Variants in RPS6KC1 observed in about 807,000 individuals in gnomAD.
RPS6KC1 encodes the protein inactive ribosomal protein S6 kinase delta-1.
In RPS6KC1, 54 loss-of-function variants were observed where a neutral mutation model predicts 103.8. The ratio of observed to expected loss-of-function variants is 0.52; its 90% CI spans 0.42 to 0.65. The LOEUF (loss-of-function observed/expected upper bound fraction) is 0.65. Ranked by LOEUF, RPS6KC1 falls within the 30% of genes least tolerant of loss-of-function variation. RPS6KC1 has a pLI of 0.00. For missense variants in RPS6KC1, 1,151 were observed against 1,253.8 expected (o/e 0.92, Z 1.24); for synonymous variants, 439 against 438.7 (o/e 1.00, Z -0.01).
the RPS6KC1 span, among the ~76,000 whole-genome samples, chr1:213,704,555 G>A: frequency 6.6e-6 from 1 of 152,094 alleles, no homozygotes; most frequent in East Asian, 1.9e-4. Flanking sequence ...ATTTCTTTGA[G>A]TTTCCTCAAA....
At chr1:213,187,497 C>T (rs573196072) in intron 8 of RPS6KC1, among the ~76,000 whole-genome samples, 6 of 152,006 alleles carry the variant, frequency 3.9e-5, no homozygotes, top group Non-Finnish European at 8.8e-5. Context: ...CCACCTGCCT[C>T]GGCCTCCCAC....
the RPS6KC1 span, among the ~76,000 whole-genome samples, chr1:213,772,068 C>T: frequency 5.9e-5 from 9 of 152,154 alleles, no homozygotes; most frequent in Non-Finnish European, 8.8e-5. Flanking sequence ...TAGAGTGACA[C>T]TTCTATTGAA....
At chr1:213,411,947 G>T in the RPS6KC1 span, among the ~76,000 whole-genome samples, 1 of 152,188 alleles carries the variant, frequency 6.6e-6, no homozygotes, top group Non-Finnish European at 1.5e-5. Context: ...TGGTTATGCT[G>T]CAGATTAGCA....
chr1:213,487,029 T>C, the RPS6KC1 span, among the ~76,000 whole-genome samples: 1 of 152,196 alleles, frequency 6.6e-6, no homozygotes, highest in African/African-American at 2.4e-5. Context: ...CTTGAACACC[T>C]GAACATCTTT....
chr1:213,283,367 C>T, the RPS6KC1 span, among the ~76,000 whole-genome samples: 31 of 152,238 alleles, frequency 2.0e-4, no homozygotes, highest in East Asian at 9.6e-4. Context: ...AAAATAAATT[C>T]GTAGACAACA....
At chr1:213,763,834 A>G in the RPS6KC1 span, among the ~76,000 whole-genome samples, 1 of 152,284 alleles carries the variant, frequency 6.6e-6, no homozygotes, top group East Asian at 1.9e-4. Context: ...CAGGCACAGG[A>G]GCCTTCACTC....
chr1:213,611,255 G>T, the RPS6KC1 span, among the ~76,000 whole-genome samples: 9,410 of 152,136 alleles, frequency 0.062, 601 homozygotes, highest in East Asian at 0.28. Flanking sequence ...TTCTAGGAGA[G>T]CAGAAATAAC....
At chr1:213,442,238 A>T in the RPS6KC1 span, among the ~76,000 whole-genome samples, 10 of 152,196 alleles carry the variant, frequency 6.6e-5, no homozygotes, top group African/African-American at 2.4e-4. Flanking sequence ...TCTGCTCATT[A>T]TCTATACCCT....
intron 7 of RPS6KC1, among the ~76,000 whole-genome samples, chr1:213,172,421 G>A (rs2091543265): frequency 6.6e-6 from 1 of 151,948 alleles, no homozygotes; most frequent in South Asian, 2.1e-4. Context: ...TGGTGAAACT[G>A]CATCTCTACT....
chr1:213,184,060 T>C (rs1391595506), intron 8 of RPS6KC1, among the ~76,000 whole-genome samples: 1 of 152,114 alleles, frequency 6.6e-6, no homozygotes, highest in Admixed American at 6.6e-5. Context: ...CCAAAATAAA[T>C]AGATAATTTG....
At chr1:213,623,253 C>A in the RPS6KC1 span, among the ~76,000 whole-genome samples, 4 of 152,168 alleles carry the variant, frequency 2.6e-5, no homozygotes, top group Admixed American at 2.6e-4. Flanking sequence ...ATCAGTCTGT[C>A]AACAGCATTG....
chr1:213,679,977 A>C, the RPS6KC1 span, among the ~76,000 whole-genome samples: 1 of 152,224 alleles, frequency 6.6e-6, no homozygotes, highest in Non-Finnish European at 1.5e-5. Context: ...GAATAATTAC[A>C]CATTATAGAA....
At chr1:213,603,692 G>C in the RPS6KC1 span, among the ~76,000 whole-genome samples, 1 of 151,534 alleles carries the variant, frequency 6.6e-6, no homozygotes, top group Non-Finnish European at 1.5e-5. Context: ...AACCCTGTCT[G>C]TACTAAAAAA....
intron 5 of RPS6KC1, among the ~76,000 whole-genome samples, chr1:213,119,425 CATATATATATAT>C (rs757888943): frequency 2.2e-5 from 2 of 91,006 alleles, no homozygotes; most frequent in African/African-American, 5.5e-5. Flanking sequence ...CCAGCCTGGG[CATATATATATAT>C]ATATATATAT....
At chr1:213,219,542 A>C in intron 8 of RPS6KC1, among the ~76,000 whole-genome samples, 1 of 152,184 alleles carries the variant, frequency 6.6e-6, no homozygotes, top group Non-Finnish European at 1.5e-5. Context: ...ACATGCTGCT[A>C]TAAAGACACA....
At chr1:213,442,479 T>C in the RPS6KC1 span, among the ~76,000 whole-genome samples, 2 of 152,124 alleles carry the variant, frequency 1.3e-5, no homozygotes, top group Admixed American at 6.5e-5. Flanking sequence ...AAAACTTGGG[T>C]TGGGATCCCA....
chr1:213,254,153 T>A (rs933023905), intron 12 of RPS6KC1, among the ~76,000 whole-genome samples: 1 of 138,430 alleles, frequency 7.2e-6, no homozygotes, highest in African/African-American at 2.5e-5. Context: ...TTTATTCACT[T>A]GTGAAATATC....
At chr1:213,151,575 A>T (rs1327153114) in intron 6 of RPS6KC1, among the ~76,000 whole-genome samples, 5 of 82,010 alleles carry the variant, frequency 6.1e-5, no homozygotes, top group Admixed American at 2.9e-4. Context: ...CACCTCCCGG[A>T]TGGGGCGGCT....
At chr1:213,263,274 C>T (rs988885353) in intron 14 of RPS6KC1, among the ~76,000 whole-genome samples, 1 of 152,172 alleles carries the variant, frequency 6.6e-6, no homozygotes, top group Non-Finnish European at 1.5e-5. Flanking sequence ...GATACTTCAT[C>T]ATTGGTGGAA....
Sources: allele counts gnomAD v4.1 joint callset (sites outside exome capture counted in the v4.1 genomes callset), GRCh38; gene constraint gnomAD v4.1.1; transcripts MANE v1.5; gene names NCBI Gene and HGNC (gene_info 2026-07-23, HGNC 2026-07-21).